Variants in SLC5A7 observed in about 807,000 individuals in gnomAD.
SLC5A7 encodes the protein high affinity choline transporter 1.
A neutral mutation model predicts 55.4 loss-of-function variants in SLC5A7; 19 were observed. That is an observed-to-expected ratio of 0.34 (90% CI 0.24 to 0.50). The LOEUF is 0.50. SLC5A7 is among the 20% of genes least tolerant of loss of function. SLC5A7 has a pLI of 0.98. For synonymous variants in SLC5A7, 265 were observed against 263.7 expected (o/e 1.00, Z -0.05); for missense variants, 506 against 705.3 (o/e 0.72, Z 3.20).
At chr2:107,999,437 C>G (rs1351223495) in intron 5 of SLC5A7, among the ~76,000 whole-genome samples, 1 of 152,126 alleles carries the variant, frequency 6.6e-6, no homozygotes, top group Non-Finnish European at 1.5e-5. Context: ...TTGTATGAGA[C>G]TAGAACTTAA....
intron 4 of SLC5A7, among the ~76,000 whole-genome samples, chr2:107,993,462 A>G (rs1677532872): frequency 6.6e-6 from 1 of 152,232 alleles, no homozygotes; most frequent in South Asian, 2.1e-4. Flanking sequence ...AGTTTACTTA[A>G]CATAAATGTT....
Position 108,010,976 on chromosome 2 carries a change from G to C in SLC5A7, c.*115G>C. ...AAAAATATAAACAATGTTCAGGAGAGTAAAAATTCATATAAAGTGCAATTG... is the reference window on the plus strand; with the variant it reads ...AAAAATATAAACAATGTTCAGGAGACTAAAAATTCATATAAAGTGCAATTG... On this transcript the variant is annotated 3_prime_UTR_variant, in exon 9 of 9. Coordinates refer to ENST00000264047, the MANE Select transcript of SLC5A7 (RefSeq NM_021815.5). The C allele has an allele frequency of 8.7e-7, 1 of 1,148,308 alleles. No homozygotes were observed. Among genetic ancestry groups the C allele is most frequent in the Non-Finnish European group, 1.1e-6 (1 of 872,214 alleles). The allele number at this position is 1,148,308 out of a possible 1,614,324, so 71.1% of individuals were successfully genotyped here.
chr2:107,995,519 C>T (rs1296508520), intron 4 of SLC5A7, among the ~76,000 whole-genome samples: 3 of 146,638 alleles, frequency 2.0e-5, no homozygotes, highest in Non-Finnish European at 4.5e-5. Flanking sequence ...TTACTGGGTA[C>T]TATGTACATT....
intron 2 of SLC5A7, among the ~76,000 whole-genome samples, 195 bp from the exon 3 acceptor site, chr2:107,991,911 T>C (rs559977569): frequency 2.6e-5 from 4 of 152,334 alleles, no homozygotes; most frequent in South Asian, 2.1e-4. Flanking sequence ...ATTCAACATG[T>C]TTTCATTTCA....
At chr2:108,007,484 GTGTGTGTGTGTGTGTGTGTC>G (rs1288723044) in intron 7 of SLC5A7, among the ~76,000 whole-genome samples, 3 of 145,426 alleles carry the variant, frequency 2.1e-5, no homozygotes, top group Non-Finnish European at 3.0e-5. Context: ...GTGTGTCTGT[GTGTGTGTGTGTGTGTGTGTC>G]TGTGTGTGTG....
In SLC5A7 at chr2:107,988,300, A is replaced by T; in HGVS notation, c.145A>T (p.Ile49Phe). Residue 49 changes from isoleucine to phenylalanine, a missense_variant, in exon 2 of 9, where the codon ATT (isoleucine) becomes TTT (phenylalanine). Physicochemically the swap from Ile to Phe is conservative, Grantham distance 21. Coordinates refer to ENST00000264047, the MANE Select transcript of SLC5A7 (RefSeq NM_021815.5). ...AGCCATCATAGTTGGTGGCCGAGAT[A>T]TTGGTTTATTGGTTGGTGGATTTAC... ...SEAIIVGGRDIGLLVGGFTMT... is the reference protein window; with the variant it reads ...SEAIIVGGRDFGLLVGGFTMT... 7 of 1,613,916 alleles carry T rather than the reference A, an allele frequency of 4.3e-6. No individual in the cohort carries two copies. Among genetic ancestry groups the T allele is most frequent in the Non-Finnish European group, 5.9e-6 (7 of 1,179,848 alleles).
At chr2:107,998,546 T>A (rs779903148) in intron 5 of SLC5A7, among the ~76,000 whole-genome samples, 15 of 152,240 alleles carry the variant, frequency 9.9e-5, no homozygotes, top group Non-Finnish European at 2.1e-4. Context: ...ATTAGTATTA[T>A]TAGCACTATA....
chr2:108,010,540 T>A lies in SLC5A7; in HGVS notation c.1422T>A (p.Asn474Lys). Residue 474 changes from asparagine to lysine, a missense_variant, in exon 9 of 9, where the codon AAT becomes AAA. Physicochemically the swap from Asn to Lys is moderately conservative, Grantham distance 94. Coordinates refer to ENST00000264047, the MANE Select transcript of SLC5A7 (RefSeq NM_021815.5). ...GYYPDDNGIYNQKFPFKTLAM... is the reference protein window; with the variant it reads ...GYYPDDNGIYKQKFPFKTLAM... ...ACCCTGATGATAATGGTATATATAA[T>A]CAGAAATTTCCATTTAAAACACTTG... 6.2e-7 allele frequency: 1 copy of A among 1,613,786 alleles called. No homozygotes were observed. The highest frequency in any genetic ancestry group is 8.5e-7 in the Non-Finnish European group (1 of 1,179,850).
chr2:107,993,249 T>C (rs994465166), intron 4 of SLC5A7, 122 bp downstream of exon 4: 2 of 1,003,524 alleles, frequency 2.0e-6, no homozygotes, highest in African/African-American at 1.6e-5. Context: ...TGCTGAACCA[T>C]ATTTATATGC....
intron 4 of SLC5A7, 108 bp downstream of exon 4, chr2:107,993,235 C>A: frequency 8.3e-7 from 1 of 1,204,014 alleles, no homozygotes; most frequent in Non-Finnish European, 1.2e-6. Context: ...TTATTAAAAC[C>A]ATATGCTGAA....
chr2:107,998,157 G>A lies in SLC5A7; in HGVS notation c.597+171G>A, dbSNP rs17036632. Among the ~76,000 whole-genome samples the A allele has an allele frequency of 1.7e-3, 259 of 152,218 alleles. No homozygotes were observed. The Middle Eastern group carries it at 0.02, about 12-fold the overall frequency. Reference sequence around the variant, plus strand: ...CATAAATTAATTAGATGAAAAACTCGTCATTTTGATAAAATTTGACAGAAA... The same window carrying A: ...CATAAATTAATTAGATGAAAAACTCATCATTTTGATAAAATTTGACAGAAA... On this transcript the variant is annotated intron_variant, in intron 5 of 8. Coordinates refer to ENST00000264047, the MANE Select transcript of SLC5A7 (RefSeq NM_021815.5).
At chr2:107,993,984 T>A (rs933068276) in intron 4 of SLC5A7, among the ~76,000 whole-genome samples, 2 of 152,224 alleles carry the variant, frequency 1.3e-5, no homozygotes, top group African/African-American at 4.8e-5. Context: ...CCCTTCAGTT[T>A]AAATGTCTTC....
chr2:107,993,079 G>A lies in SLC5A7; in HGVS notation c.400G>A (p.Ala134Thr). The A allele has an allele frequency of 6.2e-7, 1 of 1,614,182 alleles. No homozygotes were observed. Among genetic ancestry groups the A allele is most frequent in the Non-Finnish European group, 8.5e-7 (1 of 1,180,018 alleles). ...CATGGGCGGACTCCTGTTTATTCCT[G>A]CACTGATGGGAGAAATGTTCTGGGC... is the stretch of plus-strand genomic sequence containing the variant. ...KRMGGLLFIP[A>T]LMGEMFWAAA... is the part of the protein sequence containing the mutation. Residue 134 changes from alanine to threonine, a missense_variant, in exon 4 of 9, where the codon GCA (alanine) becomes ACA (threonine). By Grantham distance (58) the Ala-to-Thr change is moderately conservative. Around this residue, in one of 4 missense-constraint regions of SLC5A7, gnomAD observed 309 missense variants for 478.6 expected, o/e 0.65. Transcript: ENST00000264047.
intron 5 of SLC5A7, among the ~76,000 whole-genome samples, chr2:108,001,412 G>A (rs999132368): frequency 2.0e-5 from 3 of 152,168 alleles, no homozygotes; most frequent in Middle Eastern, 3.4e-3. Context: ...GGTGGCTCAC[G>A]CCTGTAATCC....
intron 5 of SLC5A7, among the ~76,000 whole-genome samples, chr2:108,001,517 C>CA (rs1181503208): frequency 6.6e-6 from 1 of 150,904 alleles, no homozygotes; most frequent in Non-Finnish European, 1.5e-5. Context: ...ACTAAAAATA[C>CA]AAAAAATTAG....
chr2:108,008,126 A>C (rs1308553124), intron 7 of SLC5A7, among the ~76,000 whole-genome samples: 2 of 152,206 alleles, frequency 1.3e-5, no homozygotes, highest in African/African-American at 4.8e-5. Flanking sequence ...GTGTCCCACC[A>C]CATTTCCAAG....
chr2:108,005,782 C>G (rs1233009884), intron 6 of SLC5A7, among the ~76,000 whole-genome samples: 4 of 152,152 alleles, frequency 2.6e-5, no homozygotes, highest in African/African-American at 7.2e-5. Context: ...GGACTCCACC[C>G]TCATGGGCTA....
At chr2:107,994,025 G>A (rs942852988) in intron 4 of SLC5A7, among the ~76,000 whole-genome samples, 9 of 152,154 alleles carry the variant, frequency 5.9e-5, no homozygotes, top group South Asian at 2.1e-4. Flanking sequence ...GCTTGCCCAT[G>A]CCTTAGCGTC....
chr2:107,993,868 G>A (rs1677551640), intron 4 of SLC5A7, among the ~76,000 whole-genome samples: 1 of 152,170 alleles, frequency 6.6e-6, no homozygotes, highest in Non-Finnish European at 1.5e-5. Context: ...AAGTCACACA[G>A]CAAAACTACA....
Sources: gnomAD v4.1 joint callset for allele counts (sites outside exome capture counted in the v4.1 genomes callset) on GRCh38, gnomAD v4.1.1 for gene constraint, gnomAD v4.1.1 regional missense constraint, MANE v1.5 for transcripts, NCBI Gene and HGNC (gene_info 2026-07-23, HGNC 2026-07-21) for gene names.